Variants in ANKRD36C observed in about 807,000 individuals in gnomAD.
ANKRD36C encodes the protein ankyrin repeat domain-containing protein 36C.
In ANKRD36C, 61 loss-of-function variants were observed where a neutral mutation model predicts 276.4. That is an observed-to-expected ratio of 0.22 (90% CI 0.18 to 0.27). ANKRD36C has a LOEUF of 0.27. Ranked by LOEUF, ANKRD36C falls within the 10% of genes least tolerant of loss-of-function variation. The probability of loss-of-function intolerance (pLI) is 1.00; values close to 1 mark genes in which losing one functional copy is unlikely to be tolerated. For synonymous variants in ANKRD36C, 483 were observed against 680.1 expected (o/e 0.71, Z 4.51); for missense variants, 1,447 against 2,032.3 (o/e 0.71, Z 5.54).
chr2:95,859,253 C>CGAACTCCT (rs1675504164), intron 61 of ANKRD36C, among the ~76,000 whole-genome samples: 1 of 152,006 alleles, frequency 6.6e-6, no homozygotes, highest in African/African-American at 2.4e-5. Context: ...AGACTGGTCT[C>CGAACTCCT]GAACTCCTGA....
intron 22 of ANKRD36C, among the ~76,000 whole-genome samples, chr2:95,938,210 G>C (rs1029329408): frequency 5.3e-5 from 8 of 152,276 alleles, no homozygotes; most frequent in Non-Finnish European, 1.0e-4. Flanking sequence ...AATTCAGGCT[G>C]TTGGTTACCT....
exon 63 of ANKRD36C, chr2:95,855,389 G>C: frequency 1.2e-6 from 2 of 1,613,386 alleles, no homozygotes; most frequent in Non-Finnish European, 1.7e-6. Flanking sequence ...CAGCTTGAAG[G>C]TTTTCTACTC....
chr2:95,875,145 A>G (rs1341995282), intron 59 of ANKRD36C, among the ~76,000 whole-genome samples: 1 of 152,220 alleles, frequency 6.6e-6, no homozygotes, highest in Non-Finnish European at 1.5e-5. Context: ...ATCCAGAACT[A>G]GAAATACCAT....
chr2:95,980,560 C>A, intron 5 of ANKRD36C, 88 bp downstream of exon 5: 3 of 1,469,736 alleles, frequency 2.0e-6, no homozygotes, highest in Non-Finnish European at 2.7e-6. Context: ...TCAAACTATG[C>A]AATCTCACCT....
At chr2:95,895,681 T>G in intron 44 of ANKRD36C, 91 bp from the exon 61 acceptor site, 1 of 1,550,002 alleles carries the variant, frequency 6.5e-7, no homozygotes, top group South Asian at 1.1e-5. Context: ...ACCTCTGTCC[T>G]CCTGCCTGTA....
rs2696794 is a variant in ANKRD36C at position 95,861,848 on chromosome 2, A to T, written c.3683-1774T>A. 5.7e-3 allele frequency among the ~76,000 whole-genome samples: 863 copies of T among 152,252 alleles called. 45 individuals carry two copies. In the South Asian group the frequency reaches 0.11, roughly 19 times the overall value. On this transcript the variant is annotated intron_variant, in intron 60 of 66. Coordinates refer to ENST00000456556, the Ensembl canonical transcript of ANKRD36C. Reference sequence around the variant, plus strand: ...CCAACTACAGGCTGCCTATAAGAAAAGCACTTTAAATGTAAAGACACAAAT... The same window carrying T: ...CCAACTACAGGCTGCCTATAAGAAATGCACTTTAAATGTAAAGACACAAAT...
intron 34 of ANKRD36C, among the ~76,000 whole-genome samples, chr2:95,918,860 T>C (rs1295535147): frequency 6.7e-6 from 1 of 148,660 alleles, no homozygotes; most frequent in African/African-American, 2.4e-5. Context: ...TAGGAGTTAA[T>C]TAGAATTCAA....
Position 95,956,771 on chromosome 2 carries a change from T to C in ANKRD36C, c.1136+15A>G, listed in dbSNP as rs2104496685. 2 of 1,532,826 alleles carry C rather than the reference T, an allele frequency of 1.3e-6. No individual in the cohort carries two copies. Among genetic ancestry groups the C allele is most frequent in the South Asian group, 2.4e-5 (2 of 83,780 alleles). 95.0% of individuals were successfully genotyped at this position (1,532,826 alleles called of 1,614,324 possible). ...TAAGTTAACATATCACTTTAAAAAATCTGTGAAATCATACCTGTTTAAACA... is the reference window on the plus strand; with the variant it reads ...TAAGTTAACATATCACTTTAAAAAACCTGTGAAATCATACCTGTTTAAACA... On this transcript the variant is annotated intron_variant, in intron 13 of 66. Transcript: ENST00000456556.
intron 6 of ANKRD36C, among the ~76,000 whole-genome samples, chr2:95,973,481 T>C (rs1420638968): frequency 6.6e-6 from 1 of 152,234 alleles, no homozygotes; most frequent in Non-Finnish European, 1.5e-5. Context: ...GTGATAATTA[T>C]AGAAATATAT....
At chr2:95,871,380 G>C (rs1172127616) in intron 59 of ANKRD36C, among the ~76,000 whole-genome samples, 3 of 152,118 alleles carry the variant, frequency 2.0e-5, no homozygotes, top group Non-Finnish European at 4.4e-5. Context: ...TTAAAGAAAA[G>C]AATTTTCAAC....
At chr2:95,988,399 T>TA (rs1165584980) in intron 1 of ANKRD36C, among the ~76,000 whole-genome samples, 4,892 of 143,014 alleles carry the variant, frequency 0.034, 245 homozygotes, top group African/African-American at 0.11. Flanking sequence ...TGCTTTTGTT[T>TA]AAAAAAAAAA....
At chr2:95,859,039 C>A (rs1050336096) in intron 61 of ANKRD36C, among the ~76,000 whole-genome samples, 4 of 146,056 alleles carry the variant, frequency 2.7e-5, no homozygotes, top group Admixed American at 2.7e-4. Context: ...AAACTGGATA[C>A]TTTTTTTTTT....
At chr2:95,891,120 T>C (rs1372644305) in intron 46 of ANKRD36C, among the ~76,000 whole-genome samples, 1 of 151,382 alleles carries the variant, frequency 6.6e-6, no homozygotes, top group Admixed American at 6.6e-5. Flanking sequence ...TCCAAATGCA[T>C]CTGAAGTGAG....
intron 39 of ANKRD36C, 29 bp downstream of exon 41, chr2:95,914,246 G>C: frequency 6.4e-7 from 1 of 1,555,028 alleles, no homozygotes; most frequent in East Asian, 2.4e-5. Flanking sequence ...GCATTTACTA[G>C]GTCACAATAT....
At chr2:95,929,142 A>C in exon 26 of ANKRD36C, 1 of 1,602,956 alleles carries the variant, frequency 6.2e-7, no homozygotes. Context: ...CGTCACTTGT[A>C]GCCTGAATGG....
chr2:95,987,163 C>G (rs1679046616), exon 2 of ANKRD36C: 1 of 1,549,232 alleles, frequency 6.5e-7, no homozygotes, highest in Non-Finnish European at 8.7e-7. Context: ...AGGAGATGTA[C>G]CATTTCCGGT....
intron 3 of ANKRD36C, among the ~76,000 whole-genome samples, chr2:95,984,905 TGGTTTTCA>T (rs1239215858): frequency 6.6e-6 from 1 of 152,222 alleles, no homozygotes; most frequent in Non-Finnish European, 1.5e-5. Flanking sequence ...ACTAACTTCA[TGGTTTTCA>T]GTGTTTAAAA....
intron 12 of ANKRD36C, among the ~76,000 whole-genome samples, chr2:95,958,263 C>T (rs1033880845): frequency 6.6e-6 from 1 of 151,966 alleles, no homozygotes; most frequent in Non-Finnish European, 1.5e-5. Flanking sequence ...TCTAGTACTT[C>T]ATCTTGTTCT....
chr2:95,902,126 G>A (rs1343079286), intron 42 of ANKRD36C, among the ~76,000 whole-genome samples: 1 of 149,680 alleles, frequency 6.7e-6, no homozygotes, highest in Non-Finnish European at 1.5e-5. Flanking sequence ...CCAAGAGGTA[G>A]CTCCTTGAAC....
Sources: allele counts gnomAD v4.1 joint callset (sites outside exome capture counted in the v4.1 genomes callset), GRCh38; gene constraint gnomAD v4.1.1; transcripts MANE v1.5; gene names NCBI Gene and HGNC (gene_info 2026-07-23, HGNC 2026-07-21).